COL24A1: variants seen among roughly 807,000 people sequenced by gnomAD.
COL24A1 encodes collagen type XXIV alpha 1 chain.
In COL24A1, 224 loss-of-function variants were observed where a neutral mutation model predicts 253.9. The ratio of observed to expected loss-of-function variants is 0.88; its 90% confidence interval spans 0.79 to 0.99. The LOEUF is 0.99. Ranked by LOEUF, COL24A1 falls within the 50% of genes least tolerant of loss-of-function variation. The pLI is 0.00. For synonymous variants in COL24A1, 685 were observed against 673.7 expected (o/e 1.02, Z -0.26); for missense variants, 2,131 against 2,068.5 (o/e 1.03, Z -0.59).
chr1:85,913,124 T>C (rs1457133288), intron 24 of COL24A1, among the ~76,000 whole-genome samples: 6 of 152,202 alleles, frequency 3.9e-5, no homozygotes, highest in African/African-American at 1.4e-4. Context: ...ATAATTTGTT[T>C]CTGTGGTTTT....
intron 5 of COL24A1, among the ~76,000 whole-genome samples, chr1:86,097,442 C>T (rs915600585): frequency 1.4e-4 from 19 of 134,016 alleles, no homozygotes; most frequent in African/African-American, 5.4e-4. Context: ...TCTTCTTCTC[C>T]TCCTCCCCCC....
chr1:85,923,082 C>A (rs111853802), intron 24 of COL24A1, among the ~76,000 whole-genome samples: 1 of 152,120 alleles, frequency 6.6e-6, no homozygotes, highest in African/African-American at 2.4e-5. Context: ...AAGGCCATTA[C>A]ATAATGGTAA....
intron 7 of COL24A1, among the ~76,000 whole-genome samples, chr1:86,077,669 T>C (rs1394141463): frequency 1.3e-5 from 2 of 152,168 alleles, no homozygotes; most frequent in Admixed American, 6.5e-5. Flanking sequence ...TAAAAAAAGA[T>C]GAGTCCATGT....
At chr1:86,142,821 G>T (rs1651350858) in intron 2 of COL24A1, among the ~76,000 whole-genome samples, 1 of 152,052 alleles carries the variant, frequency 6.6e-6, no homozygotes, top group Non-Finnish European at 1.5e-5. Context: ...TAAGTGCCTA[G>T]CACAATGAAT....
At chr1:85,735,067 G>T in intron 58 of COL24A1, 103 bp from the exon 59 acceptor site, 2 of 1,051,734 alleles carry the variant, frequency 1.9e-6, no homozygotes, top group Non-Finnish European at 2.8e-6. Context: ...CCTCCAGAAA[G>T]CTCCTTTCCT....
In COL24A1 at chr1:86,046,823, A is replaced by G. The variant is rs1227654566; in HGVS notation, c.1950+2T>C. Reference sequence around the variant, plus strand: ...AACCTCAAAAAACACAAATTAAGATACCTGTCTCCCCTTAAAACCCTTCTT... The same window carrying G: ...AACCTCAAAAAACACAAATTAAGATGCCTGTCTCCCCTTAAAACCCTTCTT... On this transcript the variant is annotated splice_donor_variant, in intron 12 of 59. Transcript: ENST00000370571. LOFTEE classifies it high-confidence loss of function. The G allele has an allele frequency of 1.2e-6, 2 of 1,611,836 alleles. No individual in the cohort carries two copies. Among genetic ancestry groups the G allele is most frequent in the Non-Finnish European group, 8.5e-7 (1 of 1,178,222 alleles).
chr1:85,866,799 G>GT (rs1679846611), intron 37 of COL24A1, among the ~76,000 whole-genome samples: 1 of 151,964 alleles, frequency 6.6e-6, no homozygotes, highest in South Asian at 2.1e-4. Context: ...AATAAGATAA[G>GT]TTTTTGGGAT....
chr1:85,943,059 C>T (rs1169937792), intron 24 of COL24A1, among the ~76,000 whole-genome samples: 1 of 152,206 alleles, frequency 6.6e-6, no homozygotes, highest in African/African-American at 2.4e-5. Flanking sequence ...AGTATCCAAT[C>T]TCTCAGGGCC....
At position 86,125,863 on chromosome 1, in the gene COL24A1, A is replaced by G; in HGVS notation, c.473T>C (p.Val158Ala). The G allele has an allele frequency of 6.2e-7, 1 of 1,613,328 alleles. No individual in the cohort carries two copies. Among genetic ancestry groups the G allele is most frequent in the Non-Finnish European group, 8.5e-7 (1 of 1,179,712 alleles). The change falls in exon 3 of 60, where the codon GTT becomes GCT. Residue 158 changes from valine to alanine, a missense_variant. Val to Ala is a moderately conservative substitution (Grantham distance 64). Coordinates refer to ENST00000370571, the MANE Select transcript of COL24A1 (RefSeq NM_152890.7). ...AAATGAGTGCCATTGCTCATCATGA[A>G]CACTGTAGTTGAAAACTGCAGGCTG... ...GKQPAVFNYS[V>A]HDEQWHSFAI...
chr1:85,844,471 G>A (rs551612666), intron 39 of COL24A1, among the ~76,000 whole-genome samples: 6 of 151,842 alleles, frequency 4.0e-5, no homozygotes, highest in African/African-American at 1.4e-4. Context: ...AAAATAAATG[G>A]GCCAGACATT....
intron 37 of COL24A1, among the ~76,000 whole-genome samples, chr1:85,850,359 A>G (rs574971828): frequency 6.6e-6 from 1 of 152,316 alleles, no homozygotes; most frequent in South Asian, 2.1e-4. Context: ...CTTGTGGTTT[A>G]CCACTGTGCT....
intron 2 of COL24A1, among the ~76,000 whole-genome samples, chr1:86,127,225 T>C (rs1572014265): frequency 6.6e-6 from 1 of 152,136 alleles, no homozygotes; most frequent in South Asian, 2.1e-4. Context: ...GTAACTTTTA[T>C]CCAACTTTTA....
At chr1:85,770,248 T>C (rs1166819514) in intron 53 of COL24A1, among the ~76,000 whole-genome samples, 1 of 152,178 alleles carries the variant, frequency 6.6e-6, no homozygotes, top group East Asian at 1.9e-4. Flanking sequence ...TTTCTCCTTT[T>C]TAGCTAGTTA....
intron 19 of COL24A1, among the ~76,000 whole-genome samples, chr1:85,999,446 AT>A (rs1258874185): frequency 5.3e-5 from 8 of 152,136 alleles, no homozygotes; most frequent in African/African-American, 1.9e-4. Context: ...ATGAAAACCC[AT>A]CTCTACAAAA....
intron 47 of COL24A1, among the ~76,000 whole-genome samples, chr1:85,794,266 C>T (rs1179071440): frequency 6.6e-6 from 1 of 152,080 alleles, no homozygotes; most frequent in Non-Finnish European, 1.5e-5. Context: ...CATTTTGCCT[C>T]ACTTTACTTA....
chr1:85,808,163 T>C (rs1378866114), intron 47 of COL24A1, among the ~76,000 whole-genome samples: 1 of 152,192 alleles, frequency 6.6e-6, no homozygotes, highest in Non-Finnish European at 1.5e-5. Flanking sequence ...CACATCCTTG[T>C]GAAAAACTGT....
In COL24A1 at chr1:86,146,065, G is replaced by A; in HGVS notation, c.121+54C>T. The A allele has an allele frequency of 2.8e-6, 4 of 1,412,810 alleles. No homozygotes were observed. In the South Asian group the frequency reaches 3.6e-5, roughly 13 times the overall value. The allele number at this position is 1,412,810 out of a possible 1,614,324, so 87.5% of individuals were successfully genotyped here. ...GAGTTGAAAGTTATGTACTTTTGCT[G>A]TCTGGAAGTAGAATTTTTAAGTAAG... On this transcript the variant is annotated intron_variant, in intron 2 of 59. Transcript: ENST00000370571.
chr1:85,950,402 G>GA lies in COL24A1; in HGVS notation c.2562+10846dup, dbSNP rs1313731723. Among the ~76,000 whole-genome samples the GA allele has an allele frequency of 2.6e-5, 4 of 152,040 alleles. 1 individual carries two copies. Among genetic ancestry groups the GA allele is most frequent in the Middle Eastern group, 6.3e-3 (2 of 316 alleles). On this transcript the variant is annotated intron_variant, in intron 24 of 59. Transcript: ENST00000370571. ...GTACAAAGGAAAAGAGGGAATATAA[G>GA]AAAAAAATACTGAGCTTTCATCACC... is the stretch of plus-strand genomic sequence containing the variant.
chr1:85,907,618 A>G (rs1417100811), intron 27 of COL24A1, among the ~76,000 whole-genome samples: 5 of 151,824 alleles, frequency 3.3e-5, no homozygotes, highest in Admixed American at 3.3e-4. Context: ...CTATCATGGT[A>G]ATATTTCTTT....
Sources: allele counts gnomAD v4.1 joint callset (sites outside exome capture counted in the v4.1 genomes callset), GRCh38; gene constraint gnomAD v4.1.1; transcripts MANE v1.5; gene names NCBI Gene and HGNC (gene_info 2026-07-23, HGNC 2026-07-21).